The following RDH13 variants were observed in gnomAD, a reference collection of about 807,000 sequenced individuals.
The protein encoded by RDH13 is retinol dehydrogenase 13 (all-trans and 9-cis).
A neutral mutation model predicts 28.3 loss-of-function variants in RDH13; 35 were observed. The observed-to-expected ratio is 1.24, with a 90% CI of 0.95 to 1.64. The LOEUF (loss-of-function observed/expected upper bound fraction) is 1.64. Ranked by LOEUF, RDH13 falls within the 40% of genes most tolerant of loss-of-function variation. RDH13 has a pLI of 0.00. For missense variants in RDH13, 514 were observed against 446.3 expected (o/e 1.15, Z -1.37); for synonymous variants, 229 against 198.5 (o/e 1.15, Z -1.29).
At chr19:55,051,046 C>T (rs2075414727) in intron 3 of RDH13, 1 of 151,486 alleles carries the variant, frequency 6.6e-6, no homozygotes, top group Non-Finnish European at 1.5e-5. Flanking sequence ...CATCACCTGC[C>T]TGGTACAACT....
chr19:55,048,666 G>A lies in RDH13; in HGVS notation c.438C>T (p.Asn146=). The change falls in exon 4 of 7, where the codon AAC becomes AAT. Residue 146 remains asparagine, a synonymous_variant. Coordinates refer to ENST00000415061, the MANE Select transcript of RDH13 (RefSeq NM_001145971.2). ...CCCCTGCCCAGGCCTCACCCAGGTG[G>A]TTAACGCCAAACTGCATCTCGAAGC... ...EDGFEMQFGV[N]HLGHFLLTNL... is the part of the protein sequence containing the mutation. 1 of 1,613,924 alleles carries A rather than the reference G, an allele frequency of 6.2e-7. No individual in the cohort carries two copies. Among genetic ancestry groups the A allele is most frequent in the Non-Finnish European group, 8.5e-7 (1 of 1,179,946 alleles).
upstream of RDH13, chr19:55,063,172 G>C: frequency 1.4e-6 from 1 of 734,088 alleles, no homozygotes; most frequent in Non-Finnish European, 1.9e-6. Flanking sequence ...CCCGCGTCCG[G>C]AACTGGGCTG....
rs1442864063 is a variant in RDH13, at chr19:55,052,952, A to G, written c.340+3701T>C. On this transcript the variant is annotated intron_variant, in intron 3 of 6. Transcript: ENST00000415061. ...GCTGGGATTACAGGCGTGAGCCTGC[A>G]CGCCTGCCTGATTGTTTTGTATTTT... Among the ~76,000 whole-genome samples the G allele has an allele frequency of 2.0e-5, 3 of 152,004 alleles. No individual in the cohort carries two copies. In the East Asian group the frequency reaches 5.8e-4, roughly 29 times the overall value.
At chr19:55,053,488 T>C (rs1486557407) in intron 3 of RDH13, among the ~76,000 whole-genome samples, 1 of 151,546 alleles carries the variant, frequency 6.6e-6, no homozygotes, top group Non-Finnish European at 1.5e-5. Context: ...ACCCCGTCTC[T>C]AGTAAAAAAT....
At chr19:55,056,157 C>A (rs1410692463) in intron 3 of RDH13, among the ~76,000 whole-genome samples, 2 of 151,942 alleles carry the variant, frequency 1.3e-5, no homozygotes, top group East Asian at 3.9e-4. Flanking sequence ...CCATCTGTCT[C>A]AAAACAAACA....
chr19:55,049,808 C>G (rs1314268863), intron 3 of RDH13, among the ~76,000 whole-genome samples: 1 of 129,974 alleles, frequency 7.7e-6, no homozygotes, highest in Non-Finnish European at 1.7e-5. Context: ...AAAAAAAAAT[C>G]ACAGTCCCAG....
At chr19:55,051,304 A>G (rs1012779262) in intron 3 of RDH13, among the ~76,000 whole-genome samples, 1 of 152,214 alleles carries the variant, frequency 6.6e-6, no homozygotes, top group Admixed American at 6.5e-5. Flanking sequence ...GCGGAGACCC[A>G]GGGAAGGGGG....
chr19:55,043,751 A>G (rs537217249), downstream of RDH13, among the ~76,000 whole-genome samples: 67 of 152,202 alleles, frequency 4.4e-4, 1 homozygote, highest in Middle Eastern at 3.4e-3. Context: ...TATCTCGATT[A>G]CTGAGCTTTT....
Position 55,047,369 on chromosome 19 carries a change from G to C in RDH13, c.760+18C>G, listed in dbSNP as rs756392288. On this transcript the variant is annotated intron_variant, in intron 6 of 6. Coordinates refer to ENST00000415061, the MANE Select transcript of RDH13 (RefSeq NM_001145971.2). ...TGGAGGGCTCCACGTGGAGACCCCA[G>C]GCTGGGAGGGGACTCACCGAGTGTG... is the stretch of plus-strand genomic sequence containing the variant. 18 of 1,608,738 alleles carry C rather than the reference G, an allele frequency of 1.1e-5. No individual in the cohort carries two copies. Among genetic ancestry groups the C allele is most frequent in the Non-Finnish European group, 1.5e-5 (18 of 1,179,128 alleles).
In RDH13 at chr19:55,045,060, A is replaced by G; in HGVS notation, c.*14T>C. 1.3e-6 allele frequency: 2 copies of G among 1,556,320 alleles called. No homozygotes were observed. The highest frequency in any genetic ancestry group is 1.4e-5 in the African/African-American group (1 of 72,894). On this transcript the variant is annotated 3_prime_UTR_variant, in exon 7 of 7. Coordinates refer to ENST00000415061, the MANE Select transcript of RDH13 (RefSeq NM_001145971.2). ...CTGGAGGCGCCATCCTGGCTTTCAA[A>G]TCTGCTCCAGAGGTTATCTGGGGAG...
chr19:55,047,443 G>T lies in RDH13; in HGVS notation c.704C>A (p.Thr235Lys), dbSNP rs1338352965. The T allele has an allele frequency of 6.2e-7, 1 of 1,611,074 alleles. No individual in the cohort carries two copies. Among genetic ancestry groups the T allele is most frequent in the Non-Finnish European group, 8.5e-7 (1 of 1,179,956 alleles). ...GATGCCCGTGTGTCTGCCCAGCTCT[G>T]TCCTGGCCACGCCGGGGTGCAGGGC... ...VNALHPGVAR[T>K]ELGRHTGIHG... Residue 235 changes from threonine (T) to lysine (K), a missense_variant, in exon 6 of 7, where the codon ACA becomes AAA. Coordinates refer to ENST00000415061, the MANE Select transcript of RDH13 (RefSeq NM_001145971.2).
chr19:55,066,673 CCCTT>C (rs1378219266), upstream of RDH13, among the ~76,000 whole-genome samples: 1 of 150,576 alleles, frequency 6.6e-6, no homozygotes, highest in African/African-American at 2.4e-5. Flanking sequence ...CTCTTCCTCT[CCCTT>C]CCTCTTCCTC....
chr19:55,054,667 C>T (rs753788114), intron 3 of RDH13, among the ~76,000 whole-genome samples: 16 of 152,196 alleles, frequency 1.1e-4, no homozygotes, highest in Non-Finnish European at 2.1e-4. Context: ...CTCTCGGGCT[C>T]AAGTGATCCT....
chr19:55,068,085 CCTCT>C (rs143833122), upstream of RDH13, among the ~76,000 whole-genome samples: 15,556 of 145,432 alleles, frequency 0.11, 1,102 homozygotes, highest in Admixed American at 0.17. Context: ...TCTCCCCCTT[CCTCT>C]CTTTCTCCTC....
chr19:55,065,068 C>T (rs1010590898), upstream of RDH13, among the ~76,000 whole-genome samples: 3 of 150,168 alleles, frequency 2.0e-5, no homozygotes, highest in Non-Finnish European at 1.5e-5. Context: ...TTACTTTATG[C>T]ATAGTTTACC....
intron 3 of RDH13, 88 bp from the exon 4 acceptor site, chr19:55,048,851 A>G: frequency 1.7e-6 from 2 of 1,164,398 alleles, no homozygotes; most frequent in Non-Finnish European, 2.5e-6. Context: ...TGCTCCCACA[A>G]CCTGTGAATG....
chr19:55,049,848 C>CA (rs2075369180), intron 3 of RDH13, among the ~76,000 whole-genome samples: 2 of 151,216 alleles, frequency 1.3e-5, no homozygotes, highest in East Asian at 3.9e-4. Flanking sequence ...AAGGTGTGGG[C>CA]AGGGCTGGTT....
At chr19:55,050,032 G>C (rs564652961) in intron 3 of RDH13, among the ~76,000 whole-genome samples, 7 of 150,692 alleles carry the variant, frequency 4.6e-5, no homozygotes, top group African/African-American at 7.3e-5. Context: ...ATGTTGCCCA[G>C]GCTGGTCTCA....
chr19:55,047,211 G>T, intron 6 of RDH13, 176 bp downstream of exon 6: 1 of 1,406,406 alleles, frequency 7.1e-7, no homozygotes, highest in South Asian at 1.6e-5. Flanking sequence ...GCTGTTAGAG[G>T]CTGGCAGGCC....
Sources: allele counts gnomAD v4.1 joint callset (sites outside exome capture counted in the v4.1 genomes callset), GRCh38; gene constraint gnomAD v4.1.1; transcripts MANE v1.5; gene names NCBI Gene and HGNC (gene_info 2026-07-23, HGNC 2026-07-21).